Variants in P2RY2 observed in about 807,000 individuals in gnomAD.
P2RY2 encodes purinergic receptor P2Y2, also known as P2Y purinoceptor 2.
For synonymous variants in P2RY2, 241 were observed against 231.9 expected (o/e 1.04, Z -0.35); for missense variants, 567 against 515.7 (o/e 1.10, Z -0.96).
At chr11:73,226,573 C>T (rs1408983147) in intron 1 of P2RY2, among the ~76,000 whole-genome samples, 2 of 152,168 alleles carry the variant, frequency 1.3e-5, no homozygotes, top group Admixed American at 1.3e-4. Flanking sequence ...CAGCCTTGTA[C>T]TGCACTTCCA....
At chr11:73,225,773 C>G (rs187568411) in intron 1 of P2RY2, among the ~76,000 whole-genome samples, 1 of 152,156 alleles carries the variant, frequency 6.6e-6, no homozygotes, top group Non-Finnish European at 1.5e-5. Context: ...TAAGGGAGGC[C>G]GTCTCTGAGC....
chr11:73,235,617 C>A lies in P2RY2; in HGVS notation c.*324C>A. ...CCAAGGTACCTAGGTTGGAGTCCAG[C>A]CTAATCAAGTCAAATGGAGAAACAG... On this transcript the variant is annotated 3_prime_UTR_variant, in exon 3 of 3. Coordinates refer to ENST00000393597, the MANE Select transcript of P2RY2 (RefSeq NM_002564.4). The A allele has an allele frequency of 9.3e-7, 1 of 1,076,038 alleles. No homozygotes were observed. The highest frequency in any genetic ancestry group is 1.1e-6 in the Non-Finnish European group (1 of 880,426). The allele number at this position is 1,076,038 out of a possible 1,614,324, so 66.7% of individuals were successfully genotyped here.
rs1017131517 is a variant in P2RY2 at position 73,236,447 on chromosome 11, G to A, written c.*1154G>A. ...CGAGTGGCTGGGGCTGTGAGCCAGG[G>A]GGTCAGGGAAGGGTTCCTGGAGTGG... On this transcript the variant is annotated 3_prime_UTR_variant, in exon 3 of 3. Transcript: ENST00000393597. 4 of 661,674 alleles carry A rather than the reference G, an allele frequency of 6.0e-6. No homozygotes were observed. The highest frequency in any genetic ancestry group is 7.5e-6 in the Non-Finnish European group (4 of 529,998). The allele number at this position is 661,674 out of a possible 1,614,324, so 41.0% of individuals were successfully genotyped here.
chr11:73,230,391 C>G (rs754683782), intron 2 of P2RY2, among the ~76,000 whole-genome samples: 2 of 152,008 alleles, frequency 1.3e-5, no homozygotes, highest in Admixed American at 1.3e-4. Context: ...AGCCTCCAGT[C>G]CCACCTCCAC....
In P2RY2 at chr11:73,238,799, TGCCCCACGACACTCACA is replaced by T. The variant is rs1862714531; in HGVS notation, c.*3511_*3527del. Among the ~76,000 whole-genome samples, 1 of 152,174 alleles carries T rather than the reference TGCCCCACGACACTCACA, an allele frequency of 6.6e-6. No individual in the cohort carries two copies. ...ATGGCCAGAATCATGCCCTTTATAG[TGCCCCACGACACTCACA>T]GCCCTGCAGGGCAGAAGGGTCTATA... On this transcript the variant is annotated 3_prime_UTR_variant, in exon 3 of 3. Transcript: ENST00000393597.
rs571741211 is a variant in P2RY2 at position 73,228,974 on chromosome 11, C to CCA, written c.-5+800_-5+801dup. Among the ~76,000 whole-genome samples, 95 of 149,060 alleles carry CCA rather than the reference C, an allele frequency of 6.4e-4. 1 individual carries two copies. The highest frequency in any genetic ancestry group is 2.2e-3 in the African/African-American group (90 of 40,506). On this transcript the variant is annotated intron_variant, in intron 2 of 2. Coordinates refer to ENST00000393597, the MANE Select transcript of P2RY2 (RefSeq NM_002564.4). Reference sequence around the variant, plus strand: ...GCCTGTGTGTGCCTCCTCTGGGCCCCCATAGCCTCTTGTGCTTGCTTCATT... The same window carrying CCA: ...GCCTGTGTGTGCCTCCTCTGGGCCCCCACATAGCCTCTTGTGCTTGCTTCATT...
chr11:73,220,794 G>T (rs557229879), intron 1 of P2RY2, among the ~76,000 whole-genome samples: 1 of 152,296 alleles, frequency 6.6e-6, no homozygotes, highest in Non-Finnish European at 1.5e-5. Flanking sequence ...GAGTGAGGCT[G>T]TGACTCCTCT....
rs1862697134 is a variant in P2RY2, at chr11:73,238,099, C to T, written c.*2806C>T. Among the ~76,000 whole-genome samples the T allele has an allele frequency of 1.3e-5, 2 of 152,314 alleles. No homozygotes were observed. Among genetic ancestry groups the T allele is most frequent in the South Asian group, 4.1e-4 (2 of 4,832 alleles). On this transcript the variant is annotated 3_prime_UTR_variant, in exon 3 of 3. Coordinates refer to ENST00000393597, the MANE Select transcript of P2RY2 (RefSeq NM_002564.4). Reference sequence around the variant, plus strand: ...AGGCCAGAGATGGGCAGGGCTGAGCCCAAGGTCATTCAGCAGGTCAGCGTG... The same window carrying T: ...AGGCCAGAGATGGGCAGGGCTGAGCTCAAGGTCATTCAGCAGGTCAGCGTG...
At chr11:73,230,253 C>T (rs1324396666) in intron 2 of P2RY2, among the ~76,000 whole-genome samples, 4 of 152,038 alleles carry the variant, frequency 2.6e-5, no homozygotes, top group Admixed American at 6.5e-5. Context: ...TCCTCCTCCC[C>T]ACCGTTCCTC....
At chr11:73,224,220 T>C (rs1240645775) in intron 1 of P2RY2, among the ~76,000 whole-genome samples, 1 of 152,142 alleles carries the variant, frequency 6.6e-6, no homozygotes, top group Non-Finnish European at 1.5e-5. Flanking sequence ...TGAAGGACAT[T>C]GGGGAGGAGC....
Position 73,238,569 on chromosome 11 carries a change from T to C in P2RY2, c.*3276T>C, listed in dbSNP as rs547543138. ...GCTGCTCTGTTTAGAATCAGGCACATGAGGGAGGGAAGTCGTGTATTGACC... is the reference window on the plus strand; with the variant it reads ...GCTGCTCTGTTTAGAATCAGGCACACGAGGGAGGGAAGTCGTGTATTGACC... On this transcript the variant is annotated 3_prime_UTR_variant, in exon 3 of 3. Transcript: ENST00000393597. 5.9e-4 allele frequency among the ~76,000 whole-genome samples: 90 copies of C among 152,314 alleles called. 3 individuals carry two copies. The South Asian group carries it at 0.018, about 31-fold the overall frequency.
rs780368172 is a variant in P2RY2 at position 73,234,813 on chromosome 11, C to T, written c.654C>T (p.Tyr218=). ...AVPFAVILVC[Y]VLMARRLLKP... is the part of the protein sequence containing the mutation. ...CCTTTGCCGTCATCCTTGTCTGTTACGTGCTCATGGCTCGGCGACTGCTAA... is the reference window on the plus strand; with the variant it reads ...CCTTTGCCGTCATCCTTGTCTGTTATGTGCTCATGGCTCGGCGACTGCTAA... The change falls in exon 3 of 3, where the codon TAC becomes TAT. Residue 218 remains tyrosine, a synonymous_variant. Coordinates refer to ENST00000393597, the MANE Select transcript of P2RY2 (RefSeq NM_002564.4). 1.5e-5 allele frequency: 24 copies of T among 1,611,726 alleles called. No individual in the cohort carries two copies. The highest frequency in any genetic ancestry group is 2.2e-5 in the East Asian group (1 of 44,882).
intron 1 of P2RY2, among the ~76,000 whole-genome samples, chr11:73,219,914 GC>G (rs1409220261): frequency 6.6e-6 from 1 of 152,158 alleles, no homozygotes; most frequent in Non-Finnish European, 1.5e-5. Flanking sequence ...CCTCTTCTAG[GC>G]CCCTACAGGC....
chr11:73,232,438 G>A (rs149467613), intron 2 of P2RY2, among the ~76,000 whole-genome samples: 4,955 of 152,162 alleles, frequency 0.033, 119 homozygotes, highest in Non-Finnish European at 0.05. Flanking sequence ...CTGAGACAGA[G>A]TCTTGCTGTG....
At position 73,234,523 on chromosome 11, in the gene P2RY2, C is replaced by T. The variant is rs1448870662; in HGVS notation, c.364C>T (p.Leu122Phe). Reference protein sequence around the residue: ...LFYTNLYCSILFLTCISVHRC... With the variant: ...LFYTNLYCSIFFLTCISVHRC... ...CTACACCAACCTTTACTGCAGCATC[C>T]TCTTCCTCACCTGCATCAGCGTGCA... The change falls in exon 3 of 3, where the codon CTC becomes TTC. Residue 122 changes from leucine (L) to phenylalanine (F), a missense_variant. By Grantham distance (22) the Leu-to-Phe change is conservative. Coordinates refer to ENST00000393597, the MANE Select transcript of P2RY2 (RefSeq NM_002564.4). The T allele has an allele frequency of 1.2e-6, 2 of 1,610,820 alleles. No homozygotes were observed. Among genetic ancestry groups the T allele is most frequent in the Non-Finnish European group, 1.7e-6 (2 of 1,177,988 alleles).
In P2RY2 at chr11:73,236,088, G is replaced by A; in HGVS notation, c.*795G>A. 1 of 997,410 alleles carries A rather than the reference G, an allele frequency of 1.0e-6. No homozygotes were observed. Among genetic ancestry groups the A allele is most frequent in the Non-Finnish European group, 1.2e-6 (1 of 827,500 alleles). 61.8% of individuals were successfully genotyped at this position (997,410 alleles called of 1,614,324 possible). A position where few individuals can be genotyped will look rare whatever the true frequency, so the allele number is the denominator to read the frequency against. On this transcript the variant is annotated 3_prime_UTR_variant, in exon 3 of 3. Coordinates refer to ENST00000393597, the MANE Select transcript of P2RY2 (RefSeq NM_002564.4). ...CTCATATCAGGGATCCTCTCTCCAG[G>A]CCCCAGGTCATCCCCCACTGTAAAG...
chr11:73,236,247 C>T lies in P2RY2; in HGVS notation c.*954C>T, dbSNP rs564784614. 4.2e-5 allele frequency: 38 copies of T among 907,498 alleles called. No individual in the cohort carries two copies. The highest frequency in any genetic ancestry group is 2.0e-5 in the Non-Finnish European group (15 of 745,174). The allele number at this position is 907,498 out of a possible 1,614,324, so 56.2% of individuals were successfully genotyped here. ...ATGTTAAGCCATTTAACTGGAGCTCCGATTTAACTGGGAACCCCTTCTTTG... is the reference window on the plus strand; with the variant it reads ...ATGTTAAGCCATTTAACTGGAGCTCTGATTTAACTGGGAACCCCTTCTTTG... On this transcript the variant is annotated 3_prime_UTR_variant, in exon 3 of 3. Coordinates refer to ENST00000393597, the MANE Select transcript of P2RY2 (RefSeq NM_002564.4).
At chr11:73,231,415 G>C (rs1287809168) in intron 2 of P2RY2, among the ~76,000 whole-genome samples, 1 of 149,948 alleles carries the variant, frequency 6.7e-6, no homozygotes, top group Non-Finnish European at 1.5e-5. Flanking sequence ...AAAAAAGCTA[G>C]GTGAGGTGGC....
rs1862625327 is a variant in P2RY2 at position 73,235,465 on chromosome 11, A to G, written c.*172A>G. On this transcript the variant is annotated 3_prime_UTR_variant, in exon 3 of 3. Coordinates refer to ENST00000393597, the MANE Select transcript of P2RY2 (RefSeq NM_002564.4). Reference sequence around the variant, plus strand: ...ATATTCACTCTGTGGTCCAGAGTCAACTGTTCCCATAACCCCTAGTCATCG... The same window carrying G: ...ATATTCACTCTGTGGTCCAGAGTCAGCTGTTCCCATAACCCCTAGTCATCG... The G allele has an allele frequency of 7.3e-7, 1 of 1,371,604 alleles. No homozygotes were observed. Among genetic ancestry groups the G allele is most frequent in the Non-Finnish European group, 9.4e-7 (1 of 1,060,448 alleles). 85.0% of individuals were successfully genotyped at this position (1,371,604 alleles called of 1,614,324 possible).
Sources: allele counts gnomAD v4.1 joint callset (sites outside exome capture counted in the v4.1 genomes callset), GRCh38; gene constraint gnomAD v4.1.1; transcripts MANE v1.5; gene names NCBI Gene and HGNC (gene_info 2026-07-23, HGNC 2026-07-21).